The following ARK2C variants were observed in gnomAD, a reference collection of about 807,000 sequenced individuals.
ARK2C encodes the protein arkadia (RNF111) C-terminal like ring finger ubiquitin ligase 2C, also known as E3 ubiquitin-protein ligase ARK2C.
chr18:46,402,927 C>T, the ARK2C span, among the ~76,000 whole-genome samples: 1 of 152,194 alleles, frequency 6.6e-6, no homozygotes, highest in African/African-American at 2.4e-5. Flanking sequence ...ACAGTGCTTC[C>T]TCTAGTCTCA....
At chr18:46,441,704 T>C in the ARK2C span, among the ~76,000 whole-genome samples, 19 of 139,970 alleles carry the variant, frequency 1.4e-4, no homozygotes, top group African/African-American at 2.4e-4. Flanking sequence ...CTGGCTATCA[T>C]GGTGAAACCC....
At chr18:46,433,681 T>G in the ARK2C span, among the ~76,000 whole-genome samples, 1 of 152,174 alleles carries the variant, frequency 6.6e-6, no homozygotes, top group African/African-American at 2.4e-5. Flanking sequence ...AGTCACCAAG[T>G]GGGTCTCTGT....
At chr18:46,336,261 C>G in the ARK2C span, 9 of 985,190 alleles carry the variant, frequency 9.1e-6, no homozygotes, top group Non-Finnish European at 1.1e-5. Context: ...CATTACCATC[C>G]TCATTAATAC....
At chr18:46,374,687 C>T in the ARK2C span, among the ~76,000 whole-genome samples, 521 of 152,238 alleles carry the variant, frequency 3.4e-3, 3 homozygotes, top group African/African-American at 0.012. Flanking sequence ...GAATCCTCCC[C>T]CATCTTTTCC....
the ARK2C span, among the ~76,000 whole-genome samples, chr18:46,385,370 A>G: frequency 6.6e-6 from 1 of 152,124 alleles, no homozygotes; most frequent in African/African-American, 2.4e-5. Flanking sequence ...AAGGACTTGC[A>G]TGTGCCTGTG....
the ARK2C span, among the ~76,000 whole-genome samples, chr18:46,375,724 C>T: frequency 1.3e-5 from 2 of 152,058 alleles, no homozygotes; most frequent in Non-Finnish European, 2.9e-5. Flanking sequence ...AGGTGAGACC[C>T]CATGACAGGC....
chr18:46,346,793 G>A, the ARK2C span, among the ~76,000 whole-genome samples: 1,094 of 152,250 alleles, frequency 7.2e-3, 15 homozygotes, highest in African/African-American at 0.025. Flanking sequence ...ACCTCTGCTT[G>A]TTCAGGCCTG....
the ARK2C span, among the ~76,000 whole-genome samples, chr18:46,362,805 T>C: frequency 1.3e-5 from 2 of 152,206 alleles, no homozygotes. Flanking sequence ...TTCCTTAAAT[T>C]CTAGAAGCAC....
the ARK2C span, among the ~76,000 whole-genome samples, chr18:46,350,132 G>T: frequency 6.6e-6 from 1 of 152,128 alleles, no homozygotes; most frequent in Admixed American, 6.5e-5. Flanking sequence ...GTTTCCAGAA[G>T]GTACTGCCTT....
the ARK2C span, among the ~76,000 whole-genome samples, chr18:46,405,680 G>A: frequency 3.9e-5 from 6 of 152,142 alleles, no homozygotes; most frequent in African/African-American, 1.2e-4. Context: ...AGCAGGGCCC[G>A]GTAAATGGAC....
the ARK2C span, among the ~76,000 whole-genome samples, chr18:46,385,144 G>C: frequency 3.9e-5 from 6 of 152,200 alleles, no homozygotes; most frequent in Non-Finnish European, 5.9e-5. Flanking sequence ...CCACACTGGT[G>C]CCAGCTCTTG....
the ARK2C span, among the ~76,000 whole-genome samples, chr18:46,391,719 C>T: frequency 6.6e-6 from 1 of 151,890 alleles, no homozygotes; most frequent in South Asian, 2.1e-4. Context: ...TCAGCATCCT[C>T]TGTTCACTCA....
chr18:46,424,355 G>T, the ARK2C span, among the ~76,000 whole-genome samples: 2 of 152,364 alleles, frequency 1.3e-5, no homozygotes, highest in Admixed American at 6.5e-5. Context: ...AGAGAGCAAG[G>T]CTGGGAGGGG....
At chr18:46,393,747 A>T in the ARK2C span, among the ~76,000 whole-genome samples, 1 of 152,166 alleles carries the variant, frequency 6.6e-6, no homozygotes, top group African/African-American at 2.4e-5. Flanking sequence ...GTGGGGAGAG[A>T]GGCCAGTAAG....
At chr18:46,402,911 C>T in the ARK2C span, among the ~76,000 whole-genome samples, 1 of 152,222 alleles carries the variant, frequency 6.6e-6, no homozygotes, top group African/African-American at 2.4e-5. Context: ...TGTCTCAGGA[C>T]ACTAGACAGT....
the ARK2C span, among the ~76,000 whole-genome samples, chr18:46,341,334 G>A: frequency 6.8e-6 from 1 of 146,946 alleles, no homozygotes; most frequent in South Asian, 2.2e-4. Flanking sequence ...GGTGGGACAG[G>A]CGTGGGGGGT....
chr18:46,369,690 G>A, the ARK2C span, among the ~76,000 whole-genome samples: 6 of 152,144 alleles, frequency 3.9e-5, no homozygotes, highest in Non-Finnish European at 8.8e-5. Flanking sequence ...GCTTTGCTTT[G>A]AGTGGGCTAG....
the ARK2C span, among the ~76,000 whole-genome samples, chr18:46,400,897 C>T: frequency 1.3e-5 from 2 of 152,298 alleles, no homozygotes; most frequent in East Asian, 1.9e-4. Flanking sequence ...TTACCACTTA[C>T]CCCCTTCAGG....
At chr18:46,361,191 A>C in the ARK2C span, among the ~76,000 whole-genome samples, 5 of 152,114 alleles carry the variant, frequency 3.3e-5, no homozygotes, top group Non-Finnish European at 1.5e-5. Flanking sequence ...AACTCCTTAG[A>C]GCCTTTGGGT....
Sources: gnomAD v4.1 joint callset for allele counts (sites outside exome capture counted in the v4.1 genomes callset) on GRCh38, gnomAD v4.1.1 for gene constraint, MANE v1.5 for transcripts, NCBI Gene and HGNC (gene_info 2026-07-23, HGNC 2026-07-21) for gene names.